SHC3: variants seen among roughly 807,000 people sequenced by gnomAD.
SHC3 encodes the protein SHC adaptor protein 3.
In SHC3, 15 loss-of-function variants were observed where a neutral mutation model predicts 60.4. The observed-to-expected ratio is 0.25, with a 90% CI of 0.17 to 0.38. SHC3 has a LOEUF of 0.38. Ranked by LOEUF, SHC3 falls within the 10% of genes least tolerant of loss-of-function variation. SHC3 has a pLI of 1.00. For synonymous variants in SHC3, 294 were observed against 325.9 expected (o/e 0.90, Z 1.05); for missense variants, 677 against 786.1 (o/e 0.86, Z 1.66).
At chr9:89,090,160 C>A (rs2118049864) in intron 2 of SHC3, among the ~76,000 whole-genome samples, 1 of 152,166 alleles carries the variant, frequency 6.6e-6, no homozygotes, top group Admixed American at 6.5e-5. Context: ...ATATCTCCAC[C>A]CACATATTAT....
At chr9:89,026,826 T>G (rs1186985564) in intron 11 of SHC3, among the ~76,000 whole-genome samples, 1 of 152,210 alleles carries the variant, frequency 6.6e-6, no homozygotes, top group Non-Finnish European at 1.5e-5. Context: ...CCTGGGCCCT[T>G]GGACAAGTCC....
chr9:89,110,360 G>T (rs892867319), intron 2 of SHC3: 1 of 984,986 alleles, frequency 1.0e-6, no homozygotes, highest in Non-Finnish European at 1.2e-6. Context: ...CAGTTTTCCT[G>T]GTGCCTGTAT....
chr9:89,089,417 G>C (rs140915119), intron 2 of SHC3, among the ~76,000 whole-genome samples: 1 of 152,122 alleles, frequency 6.6e-6, no homozygotes, highest in Non-Finnish European at 1.5e-5. Context: ...CTGGGGGGTG[G>C]AGCAGGAGGG....
chr9:89,013,572 G>C lies in SHC3; in HGVS notation c.1660C>G (p.Arg554Gly). The C allele has an allele frequency of 6.2e-7, 1 of 1,610,846 alleles. No individual in the cohort carries two copies. Among genetic ancestry groups the C allele is most frequent in the Non-Finnish European group, 8.5e-7 (1 of 1,178,836 alleles). ...CTGTCAAAGACTCTGTCCTTTGTCC[G>C]GATCTATGAATGAAGCAAAGGAAAG... ...LLLVDPEGTI[R>G]TKDRVFDSIS... The change falls in exon 12 of 12, where the codon CGG becomes GGG. Residue 554 changes from arginine to glycine, a missense_variant. Arg to Gly is a moderately radical substitution (Grantham distance 125). Transcript: ENST00000375835.
chr9:89,087,827 C>T (rs924601249), intron 2 of SHC3, among the ~76,000 whole-genome samples: 3 of 152,118 alleles, frequency 2.0e-5, no homozygotes, highest in African/African-American at 7.2e-5. Context: ...AGAATTCAGG[C>T]AAGGCAGACC....
intron 9 of SHC3, among the ~76,000 whole-genome samples, chr9:89,043,831 T>A (rs529289293): frequency 2.4e-3 from 368 of 152,148 alleles, no homozygotes; most frequent in African/African-American, 8.3e-3. Context: ...TTTTTGTATT[T>A]TTAGTAGAGA....
chr9:89,030,667 A>C (rs1397273563), intron 11 of SHC3, among the ~76,000 whole-genome samples: 1 of 152,188 alleles, frequency 6.6e-6, no homozygotes, highest in Non-Finnish European at 1.5e-5. Flanking sequence ...AATTTTTCTA[A>C]TTGTCTCAAG....
intron 2 of SHC3, among the ~76,000 whole-genome samples, chr9:89,078,842 C>G (rs909182705): frequency 7.9e-5 from 12 of 152,276 alleles, no homozygotes; most frequent in Non-Finnish European, 1.8e-4. Context: ...AGAAAAAAAT[C>G]AACAGGGACT....
chr9:89,020,444 T>A (rs1362255585), intron 11 of SHC3, among the ~76,000 whole-genome samples: 1 of 152,092 alleles, frequency 6.6e-6, no homozygotes, highest in Non-Finnish European at 1.5e-5. Flanking sequence ...CATCCTTCCC[T>A]CTGGGCCTCC....
intron 11 of SHC3, among the ~76,000 whole-genome samples, chr9:89,032,690 G>A (rs934307095): frequency 2.0e-5 from 3 of 152,126 alleles, no homozygotes; most frequent in East Asian, 1.9e-4. Flanking sequence ...TTCTCACCAC[G>A]TTTCCAGTGA....
intron 5 of SHC3, among the ~76,000 whole-genome samples, chr9:89,066,764 T>A (rs1306591115): frequency 6.6e-6 from 1 of 152,198 alleles, no homozygotes; most frequent in Non-Finnish European, 1.5e-5. Context: ...CGTGACTTGC[T>A]CCACTGTTTT....
At chr9:89,015,038 C>T (rs907741016) in intron 11 of SHC3, among the ~76,000 whole-genome samples, 6 of 152,194 alleles carry the variant, frequency 3.9e-5, no homozygotes, top group Non-Finnish European at 7.4e-5. Context: ...GGCACTAAGC[C>T]TCACTAAGGA....
chr9:89,166,597 G>A (rs1046189083), intron 1 of SHC3, among the ~76,000 whole-genome samples: 3 of 152,092 alleles, frequency 2.0e-5, no homozygotes, highest in African/African-American at 7.2e-5. Flanking sequence ...GGCGGCAAAA[G>A]AATCGAAAAG....
At chr9:89,111,733 A>G (rs891421941) in intron 2 of SHC3, among the ~76,000 whole-genome samples, 12 of 152,246 alleles carry the variant, frequency 7.9e-5, no homozygotes, top group African/African-American at 2.9e-4. Flanking sequence ...CTCAATCTTT[A>G]GACTTGGTTT....
Position 89,045,728 on chromosome 9 carries a change from T to C in SHC3, c.1201+18A>G. 1 of 1,612,588 alleles carries C rather than the reference T, an allele frequency of 6.2e-7. No individual in the cohort carries two copies. The highest frequency in any genetic ancestry group is 8.5e-7 in the Non-Finnish European group (1 of 1,178,996). On this transcript the variant is annotated intron_variant, in intron 9 of 11. Coordinates refer to ENST00000375835, the MANE Select transcript of SHC3 (RefSeq NM_016848.6). ...AAGTGTCTTTTGTGTTTCTCACCCA[T>C]CTCACCTTGCCTCTCACCTTGCCTT...
intron 7 of SHC3, among the ~76,000 whole-genome samples, chr9:89,048,903 G>C (rs543732603): frequency 2.6e-5 from 4 of 152,256 alleles, no homozygotes; most frequent in Non-Finnish European, 5.9e-5. Context: ...ATAAGGTGAG[G>C]GGGGTGTCAG....
Position 89,084,024 on chromosome 9 carries a change from G to A in SHC3, c.546-6121C>T, listed in dbSNP as rs116889055. Reference sequence around the variant, plus strand: ...GCATCCAGCCATAACCAAACCATTCGGAGAAACTGAGAGTCAGAAATCATA... The same window carrying A: ...GCATCCAGCCATAACCAAACCATTCAGAGAAACTGAGAGTCAGAAATCATA... On this transcript the variant is annotated intron_variant, in intron 2 of 11. Coordinates refer to ENST00000375835, the MANE Select transcript of SHC3 (RefSeq NM_016848.6). Among the ~76,000 whole-genome samples the A allele has an allele frequency of 3.7e-3, 570 of 152,276 alleles. 7 individuals are homozygous for A. Among genetic ancestry groups the A allele is most frequent in the Non-Finnish European group, 3.3e-3 (226 of 68,028 alleles).
chr9:89,104,558 C>A (rs1825829255), intron 2 of SHC3, among the ~76,000 whole-genome samples: 1 of 152,238 alleles, frequency 6.6e-6, no homozygotes, highest in South Asian at 2.1e-4. Context: ...GGCCCCTCTG[C>A]AACCAACCTG....
chr9:89,109,817 CT>C (rs1825920271), intron 2 of SHC3: 2 of 985,482 alleles, frequency 2.0e-6, no homozygotes, highest in Non-Finnish European at 2.4e-6. Flanking sequence ...ATGCTTAACA[CT>C]CATACCAAGA....
Sources: allele counts gnomAD v4.1 joint callset (sites outside exome capture counted in the v4.1 genomes callset), GRCh38; gene constraint gnomAD v4.1.1; transcripts MANE v1.5; gene names NCBI Gene and HGNC (gene_info 2026-07-23, HGNC 2026-07-21).